The following HOXB3 variants were observed in gnomAD, a reference collection of about 807,000 sequenced individuals.
HOXB3 encodes the protein homeobox protein Hox-B3.
HOXB3 carries 17 observed loss-of-function variants against 29.2 expected under a neutral mutation model. The observed-to-expected ratio is 0.58, with a 90% CI of 0.40 to 0.87. The LOEUF (loss-of-function observed/expected upper bound fraction) is 0.87. Among genes scored for constraint, HOXB3 ranks in the 40% least tolerant of loss-of-function variants. HOXB3 has a pLI of 0.00. For missense variants in HOXB3, 637 were observed against 616.3 expected (o/e 1.03, Z -0.35); for synonymous variants, 317 against 285.9 (o/e 1.11, Z -1.10).
chr17:48,578,612 C>T, intron 1 of HOXB3: 1 of 366,758 alleles, frequency 2.7e-6, no homozygotes, highest in South Asian at 2.6e-5. Context: ...CTCCTTGCCT[C>T]GCTCTCTCCG....
At chr17:48,576,300 C>T (rs1461543557) in intron 1 of HOXB3, 1 of 156,118 alleles carries the variant, frequency 6.4e-6, no homozygotes, top group Admixed American at 6.5e-5. Context: ...GCCACCGAGG[C>T]CCGTCTTCTC....
In HOXB3 at chr17:48,579,917, C is replaced by T. The variant is rs760091682; in HGVS notation, c.-424-5903G>A. On this transcript the variant is annotated intron_variant, in intron 1 of 4. Transcript: ENST00000498678. ...CAAAATTCCTTACACAAATTCGGAT[C>T]TACAGGGTATATACAGAAGACAGAC... 7.7e-6 allele frequency: 4 copies of T among 521,174 alleles called. No homozygotes were observed. In the Admixed American group the frequency reaches 8.2e-5, roughly 11 times the overall value. The allele number at this position is 521,174 out of a possible 1,614,324, so 32.3% of individuals were successfully genotyped here.
chr17:48,552,514 G>A lies in HOXB3; in HGVS notation c.-40C>T, dbSNP rs2068795757. ...TGGGCAGTGGGTGGCAACTTGGAAA[G>A]GCCTGATACCCTCAGGACCGGACAT... On this transcript the variant is annotated 5_prime_UTR_variant, in exon 4 of 5. Coordinates refer to ENST00000498678, the MANE Select transcript of HOXB3 (RefSeq NM_001384749.1). 4 of 1,500,776 alleles carry A rather than the reference G, an allele frequency of 2.7e-6. No homozygotes were observed. The highest frequency in any genetic ancestry group is 2.6e-5 in the South Asian group (2 of 77,838). The allele number at this position is 1,500,776 out of a possible 1,614,324, so 93.0% of individuals were successfully genotyped here.
chr17:48,574,026 T>G lies in HOXB3; in HGVS notation c.-424-12A>C. 1.6e-6 allele frequency: 1 copy of G among 620,144 alleles called. No individual in the cohort carries two copies. The highest frequency in any genetic ancestry group is 2.9e-6 in the Non-Finnish European group (1 of 349,738). The allele number at this position is 620,144 out of a possible 1,614,324, so 38.4% of individuals were successfully genotyped here. A position where few individuals can be genotyped will look rare whatever the true frequency, so the allele number is the denominator to read the frequency against. ...TCCAAGGAGATTTGCTGTTGAATAA[T>G]AACAAAGGAGAGAGGATACGTATTT... is the stretch of plus-strand genomic sequence containing the variant. On this transcript the variant is annotated splice_polypyrimidine_tract_variant and intron_variant, in intron 1 of 4. Transcript: ENST00000498678.
At chr17:48,562,184 ATAAT>A (rs1277624937) in intron 2 of HOXB3, among the ~76,000 whole-genome samples, 6 of 152,196 alleles carry the variant, frequency 3.9e-5, no homozygotes, top group African/African-American at 1.4e-4. Flanking sequence ...TGAGCAGTAA[ATAAT>A]TAATTAGTCT....
rs2068802052 is a variant in HOXB3 at position 48,552,574 on chromosome 17, C to CG, written c.-101_-100insC. 1 of 780,480 alleles carries CG rather than the reference C, an allele frequency of 1.3e-6. No individual in the cohort carries two copies. The highest frequency in any genetic ancestry group is 1.9e-6 in the Non-Finnish European group (1 of 519,110). The allele number at this position is 780,480 out of a possible 1,614,324, so 48.3% of individuals were successfully genotyped here. A position where few individuals can be genotyped will look rare whatever the true frequency, so the allele number is the denominator to read the frequency against. ...TGGGGGTCACGTGACACGCCGGACC[C>CG]CCCCCCCCCACCTCCCCTCTCTGCC... On this transcript the variant is annotated 5_prime_UTR_variant, in exon 4 of 5. The change creates a premature stop within an existing upstream ORF in the 5' untranslated region. Coordinates refer to ENST00000498678, the MANE Select transcript of HOXB3 (RefSeq NM_001384749.1).
chr17:48,552,492 G>A lies in HOXB3; in HGVS notation c.-18C>T, dbSNP rs1450812819. The A allele has an allele frequency of 1.9e-6, 3 of 1,540,922 alleles. No individual in the cohort carries two copies. Among genetic ancestry groups the A allele is most frequent in the Non-Finnish European group, 1.8e-6 (2 of 1,140,190 alleles). ...TTCTGCATCGCTGGGTGAGGCCTGG[G>A]CAGTGGGTGGCAACTTGGAAAGGCC... On this transcript the variant is annotated 5_prime_UTR_variant, in exon 4 of 5. Coordinates refer to ENST00000498678, the MANE Select transcript of HOXB3 (RefSeq NM_001384749.1).
At chr17:48,567,506 A>T (rs2069430395) in intron 2 of HOXB3, among the ~76,000 whole-genome samples, 1 of 152,134 alleles carries the variant, frequency 6.6e-6, no homozygotes, top group Admixed American at 6.5e-5. Context: ...CACAGTGCAG[A>T]ACATTCCCCA....
At chr17:48,565,024 AG>A in intron 2 of HOXB3, among the ~76,000 whole-genome samples, 1 of 62,722 alleles carries the variant, frequency 1.6e-5, no homozygotes, top group East Asian at 6.5e-4. Context: ...TGGGAGTTTG[AG>A]GGAGGAGATG....
rs920051689 is a variant in HOXB3, at chr17:48,554,754, G to A, written c.-159+777C>T. ...CCGCGGGCGGCAGCAAGTTTTGGGAGCTGGAGGTAACCGAATTAAAAGGCG... is the reference window on the plus strand; with the variant it reads ...CCGCGGGCGGCAGCAAGTTTTGGGAACTGGAGGTAACCGAATTAAAAGGCG... On this transcript the variant is annotated intron_variant, in intron 3 of 4. Coordinates refer to ENST00000498678, the MANE Select transcript of HOXB3 (RefSeq NM_001384749.1). The surrounding 1 kb of genome is among the most constrained non-coding windows in gnomAD (Gnocchi z 4.1). 1 of 702,270 alleles carries A rather than the reference G, an allele frequency of 1.4e-6. No homozygotes were observed. The highest frequency in any genetic ancestry group is 2.0e-5 in the Admixed American group (1 of 49,994). 43.5% of individuals were successfully genotyped at this position (702,270 alleles called of 1,614,324 possible).
At chr17:48,576,899 C>T in intron 1 of HOXB3, 1 of 1,614,264 alleles carries the variant, frequency 6.2e-7, no homozygotes, top group Non-Finnish European at 8.5e-7. Flanking sequence ...GGGCGATCTC[C>T]ACCCTCCGGC....
chr17:48,579,270 C>T (rs570070881), intron 1 of HOXB3: 1 of 152,264 alleles, frequency 6.6e-6, no homozygotes, highest in Non-Finnish European at 1.5e-5. Context: ...TTGCTAATTC[C>T]ATAACCACCC....
At chr17:48,551,919 T>C in intron 4 of HOXB3, 108 bp downstream of exon 4, 1 of 1,033,392 alleles carries the variant, frequency 9.7e-7, no homozygotes, top group Non-Finnish European at 1.4e-6. Context: ...GGCCACCTAA[T>C]ATTGTTCCCA....
intron 2 of HOXB3, among the ~76,000 whole-genome samples, chr17:48,561,214 A>ACACACACACACACT (rs1567953556): frequency 2.0e-5 from 3 of 151,726 alleles, no homozygotes; most frequent in Non-Finnish European, 4.4e-5. Context: ...ACACACACAC[A>ACACACACACACACT]CACACACACA....
At chr17:48,551,665 G>A (rs966627409) in intron 4 of HOXB3, among the ~76,000 whole-genome samples, 13 of 152,342 alleles carry the variant, frequency 8.5e-5, no homozygotes, top group South Asian at 6.2e-4. Context: ...CCGGGACCCC[G>A]GGCCGTCCAA....
chr17:48,570,746 G>T (rs890438289), intron 2 of HOXB3, among the ~76,000 whole-genome samples: 1 of 152,234 alleles, frequency 6.6e-6, no homozygotes, highest in Non-Finnish European at 1.5e-5. Flanking sequence ...GCGCCGGCCA[G>T]GCCTGGACTC....
chr17:48,578,241 C>A, intron 1 of HOXB3: 1 of 1,614,034 alleles, frequency 6.2e-7, no homozygotes, highest in Non-Finnish European at 8.5e-7. Flanking sequence ...GGTAGGTAAT[C>A]GCTCTGTGAA....
At chr17:48,555,812 A>G (rs1467281466) in intron 2 of HOXB3, among the ~76,000 whole-genome samples, 194 bp from the exon 3 acceptor site, 1 of 152,164 alleles carries the variant, frequency 6.6e-6, no homozygotes, top group East Asian at 1.9e-4. Context: ...GGAGCGGGAA[A>G]AAAAATAGAA....
chr17:48,565,455 G>A (rs534496801), intron 2 of HOXB3, among the ~76,000 whole-genome samples: 8 of 152,238 alleles, frequency 5.3e-5, no homozygotes, highest in Non-Finnish European at 1.2e-4. Flanking sequence ...GCTCCCCAAA[G>A]GGTTTGGGCT....
Sources: gnomAD v4.1 joint callset for allele counts (sites outside exome capture counted in the v4.1 genomes callset) on GRCh38, gnomAD v4.1.1 for gene constraint, Gnocchi (gnomAD v3.1) non-coding constraint, MANE v1.5 for transcripts, NCBI Gene and HGNC (gene_info 2026-07-23, HGNC 2026-07-21) for gene names.